Variants in KDM5B observed in about 807,000 individuals in gnomAD.
KDM5B encodes the protein lysine-specific demethylase 5B.
Under a neutral mutation model 193.4 loss-of-function variants are expected in KDM5B, and 144 were observed. That is an observed-to-expected ratio of 0.74 (90% CI 0.65 to 0.86). The LOEUF (loss-of-function observed/expected upper bound fraction) is 0.86, where lower values mean the gene tolerates loss of function less well. Ranked by LOEUF, KDM5B falls within the 40% of genes least tolerant of loss-of-function variation. The pLI is 0.00. For missense variants in KDM5B, 1,833 were observed against 1,886.9 expected (o/e 0.97, Z 0.53); for synonymous variants, 668 against 682.6 (o/e 0.98, Z 0.33).
chr1:202,773,462 A>G (rs904414939), intron 3 of KDM5B, among the ~76,000 whole-genome samples, 174 bp from the exon 4 acceptor site: 6 of 152,156 alleles, frequency 3.9e-5, no homozygotes, highest in African/African-American at 1.4e-4. Flanking sequence ...ATTAATTTTA[A>G]GTTAGAAATT....
In KDM5B at chr1:202,729,045, G is replaced by T; in HGVS notation, c.4626C>A (p.Ser1542Arg). Reference protein sequence around the residue: ...CVRCTVKDAPSRK With the variant: ...CVRCTVKDAPRRK ...ATCTGTTTTTGTGTTTTTACTTTCG[G>T]CTTGGTGCGTCCTTCACAGTACAGC... The change falls in exon 27 of 27, where the codon AGC becomes AGA. Residue 1542 changes from serine (S) to arginine (R), a missense_variant. By Grantham distance (110) the Ser-to-Arg change is moderately radical. Coordinates refer to ENST00000367265, the MANE Select transcript of KDM5B (RefSeq NM_006618.5). The T allele has an allele frequency of 6.2e-7, 1 of 1,613,924 alleles. No individual in the cohort carries two copies. The highest frequency in any genetic ancestry group is 8.5e-7 in the Non-Finnish European group (1 of 1,179,946).
At chr1:202,770,114 G>A (rs1439465286) in intron 4 of KDM5B, among the ~76,000 whole-genome samples, 3 of 152,084 alleles carry the variant, frequency 2.0e-5, no homozygotes, top group African/African-American at 7.2e-5. Flanking sequence ...GAATAAATAT[G>A]AAGAGCTTTA....
intron 1 of KDM5B, 33 bp from the exon 2 acceptor site, chr1:202,777,127 C>A: frequency 6.6e-7 from 1 of 1,517,056 alleles, no homozygotes; most frequent in Non-Finnish European, 9.1e-7. Flanking sequence ...ATTAGAATAA[C>A]TTATAAGCAT....
chr1:202,731,674 G>C (rs1410474031), intron 24 of KDM5B, among the ~76,000 whole-genome samples, 154 bp downstream of exon 24: 3 of 152,106 alleles, frequency 2.0e-5, no homozygotes, highest in Non-Finnish European at 4.4e-5. Flanking sequence ...CCTTCAAATA[G>C]GATCCCTTCC....
At chr1:202,775,364 C>T (rs914701792) in intron 2 of KDM5B, among the ~76,000 whole-genome samples, 2 of 150,478 alleles carry the variant, frequency 1.3e-5, no homozygotes, top group East Asian at 2.0e-4. Context: ...GGTGAAACTC[C>T]GTCTCTACTA....
intron 24 of KDM5B, 46 bp from the exon 25 acceptor site, chr1:202,731,109 T>A: frequency 6.7e-7 from 1 of 1,491,766 alleles, no homozygotes; most frequent in Non-Finnish European, 9.1e-7. Flanking sequence ...CAAAGGGTGT[T>A]TCACATTCAC....
chr1:202,732,397 T>C (rs1654919152), intron 23 of KDM5B, among the ~76,000 whole-genome samples: 1 of 152,188 alleles, frequency 6.6e-6, no homozygotes, highest in Non-Finnish European at 1.5e-5. Flanking sequence ...AACACTCCTT[T>C]GACCATGAAT....
At chr1:202,801,666 CT>C in intron 1 of KDM5B, among the ~76,000 whole-genome samples, 1 of 98,858 alleles carries the variant, frequency 1.0e-5, no homozygotes, top group South Asian at 3.3e-4. Flanking sequence ...TTAATTTTTC[CT>C]CTTTAATCCC....
At chr1:202,802,435 C>T (rs1658114502) in intron 1 of KDM5B, among the ~76,000 whole-genome samples, 1 of 152,052 alleles carries the variant, frequency 6.6e-6, no homozygotes, top group African/African-American at 2.4e-5. Flanking sequence ...GCCTGTTGCC[C>T]AGGCTAGAGT....
In KDM5B at chr1:202,753,576, T is replaced by G. The variant is rs189569826; in HGVS notation, c.1539-509A>C. ...AAGTATGAACAGAAGACTTTCCATC[T>G]GAACATCTGAAGTCCCTCTCCCCAC... is the stretch of plus-strand genomic sequence containing the variant. On this transcript the variant is annotated intron_variant, in intron 11 of 26. Transcript: ENST00000367265. Among the ~76,000 whole-genome samples the G allele has an allele frequency of 5.3e-5, 8 of 152,146 alleles. No individual in the cohort carries two copies. The East Asian group carries it at 1.5e-3, about 29-fold the overall frequency.
chr1:202,784,054 G>C (rs1233903479), intron 1 of KDM5B, among the ~76,000 whole-genome samples: 1 of 152,152 alleles, frequency 6.6e-6, no homozygotes, highest in Non-Finnish European at 1.5e-5. Context: ...ATTTAACTGA[G>C]AGAAATGTTT....
At chr1:202,785,798 T>C (rs1657385918) in intron 1 of KDM5B, among the ~76,000 whole-genome samples, 2 of 151,492 alleles carry the variant, frequency 1.3e-5, no homozygotes, top group Non-Finnish European at 2.9e-5. Flanking sequence ...TAGTCTCAGC[T>C]ACTCAGAAGG....
At position 202,733,533 on chromosome 1, in the gene KDM5B, G is replaced by A. The variant is rs751002415; in HGVS notation, c.3777C>T (p.Thr1259=). ...GDALRYMIER[T]VNWQHRAQQL... is the part of the protein sequence containing the mutation. ...GCTGGGCTCTGTGCTGCCAGTTCAC[G>A]GTTCTTTCAATCATATATCGAAGTG... Residue 1259 remains threonine, a synonymous_variant, in exon 23 of 27, where the codon ACC becomes ACT. Transcript: ENST00000367265. The A allele has an allele frequency of 2.1e-5, 34 of 1,614,092 alleles. 1 individual carries two copies. In the Middle Eastern group the frequency reaches 2.5e-3, roughly 117 times the overall value.
At position 202,729,951 on chromosome 1, in the gene KDM5B, C is replaced by T. The variant is rs148412293; in HGVS notation, c.4253G>A (p.Gly1418Asp). 2.5e-6 allele frequency: 4 copies of T among 1,614,000 alleles called. No individual in the cohort carries two copies. Among genetic ancestry groups the T allele is most frequent in the African/African-American group, 2.7e-5 (2 of 74,904 alleles). Residue 1418 changes from glycine (G) to aspartate (D), a missense_variant, in exon 26 of 27, where the codon GGC becomes GAC. Gly to Asp is a moderately conservative substitution (Grantham distance 94). This residue lies in a region of KDM5B where 1,379 missense variants were observed against 1,349.6 expected (regional missense o/e 1.02). Coordinates refer to ENST00000367265, the MANE Select transcript of KDM5B (RefSeq NM_006618.5). ...RKLKRRLEREGLSSERWERVK... is the reference protein window; with the variant it reads ...RKLKRRLEREDLSSERWERVK... Reference sequence around the variant, plus strand: ...TCGTTCCCACCGCTCACTGGAGAGGCCCTCTCTTTCCAGGCGTCTCTTCAG... The same window carrying T: ...TCGTTCCCACCGCTCACTGGAGAGGTCCTCTCTTTCCAGGCGTCTCTTCAG...
In KDM5B at chr1:202,733,553, G is replaced by A; in HGVS notation, c.3757C>T (p.Arg1253Ter). 1 of 1,614,092 alleles carries A rather than the reference G, an allele frequency of 6.2e-7. No individual in the cohort carries two copies. The highest frequency in any genetic ancestry group is 8.5e-7 in the Non-Finnish European group (1 of 1,180,014). ...RVRLPEGDALRYMIERTVNWQ... is the reference protein window; with the variant it reads ...RVRLPEGDAL ...TTCACGGTTCTTTCAATCATATATC[G>A]AAGTGCATCTCCCTCAGGAAGGCGA... The change falls in exon 23 of 27, where the codon CGA (arginine) becomes TGA (stop). Residue 1253 changes from arginine to a stop codon, truncating the protein, a stop_gained. Transcript: ENST00000367265. LOFTEE classifies it high-confidence loss of function.
At chr1:202,781,332 T>C (rs938496331) in intron 1 of KDM5B, among the ~76,000 whole-genome samples, 7 of 152,200 alleles carry the variant, frequency 4.6e-5, no homozygotes, top group Non-Finnish European at 1.0e-4. Flanking sequence ...TTTTGTTTTG[T>C]TTTAGTGATA....
intron 11 of KDM5B, among the ~76,000 whole-genome samples, chr1:202,755,066 T>C (rs1020725070): frequency 2.6e-5 from 4 of 152,330 alleles, no homozygotes; most frequent in African/African-American, 9.6e-5. Flanking sequence ...GTGTGTGCAA[T>C]TTCAGGGAAT....
At chr1:202,786,841 G>A (rs778313507) in intron 1 of KDM5B, among the ~76,000 whole-genome samples, 1 of 152,126 alleles carries the variant, frequency 6.6e-6, no homozygotes, top group Non-Finnish European at 1.5e-5. Flanking sequence ...GAGGTCAGGA[G>A]TTCGAGACCA....
rs956960428 is a variant in KDM5B at position 202,756,367 on chromosome 1, A to G, written c.1347T>C (p.Pro449=). The G allele has an allele frequency of 2.5e-6, 4 of 1,608,106 alleles. No individual in the cohort carries two copies. The African/African-American group carries it at 4.0e-5, about 16-fold the overall frequency. Reference sequence around the variant, plus strand: ...CCACTTATATGCCTACCTCTTCCTCAGGTGAGAGTTTGATTTTCCCATCTC... The same window carrying G: ...CCACTTATATGCCTACCTCTTCCTCGGGTGAGAGTTTGATTTTCCCATCTC... ...PVRDGKIKLS[P]EEEEYLDSGW... is the part of the protein sequence containing the mutation. The change falls in exon 10 of 27, where the codon CCT becomes CCC. Residue 449 remains proline, a synonymous_variant. Transcript: ENST00000367265.
Sources: allele counts gnomAD v4.1 joint callset (sites outside exome capture counted in the v4.1 genomes callset), GRCh38; gene constraint gnomAD v4.1.1; regional missense constraint gnomAD v4.1.1; transcripts MANE v1.5; gene names NCBI Gene and HGNC (gene_info 2026-07-23, HGNC 2026-07-21).